TC2N: variants seen among roughly 807,000 people sequenced by gnomAD.
The protein encoded by TC2N is tandem C2 domains, nuclear.
Under a neutral mutation model 61.9 loss-of-function variants are expected in TC2N, and 51 were observed. The ratio of observed to expected loss-of-function variants is 0.82; its 90% confidence interval spans 0.66 to 1.04. The LOEUF is 1.04. Ranked by LOEUF, TC2N falls within the 50% of genes least tolerant of loss-of-function variation. The pLI is 0.00. For synonymous variants in TC2N, 204 were observed against 192.6 expected (o/e 1.06, Z -0.49); for missense variants, 556 against 566.7 (o/e 0.98, Z 0.19).
At chr14:91,817,646 CA>C (rs533812617) in intron 1 of TC2N, among the ~76,000 whole-genome samples, 22 of 152,134 alleles carry the variant, frequency 1.4e-4, no homozygotes, top group African/African-American at 4.6e-4. Flanking sequence ...ATATATTCAT[CA>C]AACCACATCT....
At chr14:91,853,820 T>C (rs953839323) in intron 1 of TC2N, among the ~76,000 whole-genome samples, 4 of 152,056 alleles carry the variant, frequency 2.6e-5, no homozygotes, top group African/African-American at 9.7e-5. Flanking sequence ...CAAGAGGCCA[T>C]GAACTCTTAA....
rs1470059285 is a variant in TC2N, at chr14:91,805,575, G to C, written c.302-3154C>G. On this transcript the variant is annotated intron_variant, in intron 3 of 11. Coordinates refer to ENST00000435962, the MANE Select transcript of TC2N (RefSeq NM_001128596.3). ...AGCTACTTGGGAGGCTGAGGCAGGA[G>C]AATCGCTTGAACCTGGGAGGCAGAG... Among the ~76,000 whole-genome samples, 10 of 152,036 alleles carry C rather than the reference G, an allele frequency of 6.6e-5. No homozygotes were observed. In the East Asian group the frequency reaches 1.7e-3, roughly 26 times the overall value.
intron 1 of TC2N, among the ~76,000 whole-genome samples, chr14:91,834,165 T>C (rs1200859577): frequency 6.6e-6 from 1 of 152,198 alleles, no homozygotes; most frequent in African/African-American, 2.4e-5. Flanking sequence ...CATCAACATA[T>C]TGGAACTCAG....
rs755955873 is a variant in TC2N, at chr14:91,812,307, T to C, written c.301+5A>G. 12 of 1,549,568 alleles carry C rather than the reference T, an allele frequency of 7.7e-6. No homozygotes were observed. The highest frequency in any genetic ancestry group is 1.1e-5 in the Non-Finnish European group (12 of 1,133,242). On this transcript the variant is annotated splice_donor_5th_base_variant and intron_variant, in intron 3 of 11. Coordinates refer to ENST00000435962, the MANE Select transcript of TC2N (RefSeq NM_001128596.3). Reference sequence around the variant, plus strand: ...ATTTTTAAATACTGCTATTTTATTGTTTACCTTCAAGTTCTTCCAGATGTG... The same window carrying C: ...ATTTTTAAATACTGCTATTTTATTGCTTACCTTCAAGTTCTTCCAGATGTG...
intron 1 of TC2N, among the ~76,000 whole-genome samples, chr14:91,850,425 C>T (rs535691733): frequency 2.6e-5 from 4 of 152,302 alleles, no homozygotes; most frequent in African/African-American, 9.6e-5. Context: ...CAGTACCAGC[C>T]TGTGGCCTAT....
intron 1 of TC2N, among the ~76,000 whole-genome samples, chr14:91,858,786 C>A (rs771246404): frequency 6.6e-6 from 1 of 152,130 alleles, no homozygotes; most frequent in African/African-American, 2.4e-5. Flanking sequence ...TGACCCCCTG[C>A]GAGTGGATGA....
At chr14:91,848,371 G>A (rs1016801395) in intron 1 of TC2N, among the ~76,000 whole-genome samples, 1 of 152,168 alleles carries the variant, frequency 6.6e-6, no homozygotes, top group Non-Finnish European at 1.5e-5. Flanking sequence ...CCAGTCGAGG[G>A]TCTAGCATGA....
intron 1 of TC2N, among the ~76,000 whole-genome samples, chr14:91,844,492 G>A (rs954659923): frequency 3.3e-5 from 5 of 152,134 alleles, no homozygotes; most frequent in Non-Finnish European, 5.9e-5. Context: ...GGCCCAACGT[G>A]GTGGCTCACG....
chr14:91,787,806 T>A (rs1885439749), intron 9 of TC2N, among the ~76,000 whole-genome samples, 179 bp from the exon 10 acceptor site: 1 of 152,178 alleles, frequency 6.6e-6, no homozygotes, highest in Admixed American at 6.5e-5. Flanking sequence ...TTTAAAGTAC[T>A]CATTTGCATG....
rs202073986 is a variant in TC2N, at chr14:91,823,393, GC to G, written c.-56-9569del. Among the ~76,000 whole-genome samples, 1,239 of 151,976 alleles carry G rather than the reference GC, an allele frequency of 8.2e-3. 12 individuals carry two copies. Among genetic ancestry groups the G allele is most frequent in the African/African-American group, 0.028 (1,146 of 41,432 alleles). ...AAATTAGTTGGGCATGGTGGCACATGCCTGTAATCCCAGCTACTCAGGAGGC... is the reference window on the plus strand; with the variant it reads ...AAATTAGTTGGGCATGGTGGCACATGCTGTAATCCCAGCTACTCAGGAGGC... On this transcript the variant is annotated intron_variant, in intron 1 of 11. Transcript: ENST00000435962.
At chr14:91,820,349 T>C (rs998611693) in intron 1 of TC2N, among the ~76,000 whole-genome samples, 5 of 151,976 alleles carry the variant, frequency 3.3e-5, no homozygotes, top group African/African-American at 7.2e-5. Context: ...TAATGCATCA[T>C]ATTAACAGAA....
intron 4 of TC2N, among the ~76,000 whole-genome samples, chr14:91,801,562 G>A (rs1025606433): frequency 2.6e-5 from 4 of 152,162 alleles, no homozygotes; most frequent in Admixed American, 1.3e-4. Flanking sequence ...GTGGGGCAGG[G>A]GTGATGGGGA....
At position 91,802,293 on chromosome 14, in the gene TC2N, A is replaced by G; in HGVS notation, c.430T>C (p.Phe144Leu). The G allele has an allele frequency of 1.9e-6, 3 of 1,601,530 alleles. No individual in the cohort carries two copies. Among genetic ancestry groups the G allele is most frequent in the Non-Finnish European group, 2.6e-6 (3 of 1,175,572 alleles). Residue 144 changes from phenylalanine to leucine, a missense_variant, in exon 4 of 12, where the codon TTT (phenylalanine) becomes CTT (leucine). Transcript: ENST00000435962. ...QHISPDLSRRFPPRSEVKRLY... is the reference protein window; with the variant it reads ...QHISPDLSRRLPPRSEVKRLY... Reference sequence around the variant, plus strand: ...CTCTTCACTTCTGAACGGGGAGGAAAGCGTCGACTCAAATCAGGTGAAATG... The same window carrying G: ...CTCTTCACTTCTGAACGGGGAGGAAGGCGTCGACTCAAATCAGGTGAAATG...
At chr14:91,810,721 G>C (rs751475545) in intron 3 of TC2N, among the ~76,000 whole-genome samples, 1 of 151,782 alleles carries the variant, frequency 6.6e-6, no homozygotes, top group African/African-American at 2.4e-5. Context: ...AGAACCAAAT[G>C]TAAACTCTAG....
intron 1 of TC2N, among the ~76,000 whole-genome samples, chr14:91,821,430 T>C (rs1887246481): frequency 6.6e-6 from 1 of 151,850 alleles, no homozygotes; most frequent in Non-Finnish European, 1.5e-5. Context: ...ATATCCACAT[T>C]ATATCCACAT....
intron 9 of TC2N, among the ~76,000 whole-genome samples, chr14:91,790,283 TAA>T (rs1885582968): frequency 6.6e-6 from 1 of 152,318 alleles, no homozygotes; most frequent in East Asian, 1.9e-4. Context: ...CTTTATTGAG[TAA>T]AAACCCGAAA....
chr14:91,833,543 A>G (rs779723810), intron 1 of TC2N, among the ~76,000 whole-genome samples: 4 of 152,122 alleles, frequency 2.6e-5, no homozygotes, highest in Non-Finnish European at 5.9e-5. Flanking sequence ...TAGAAGCATC[A>G]TCTCATCAAG....
chr14:91,835,443 A>G (rs1595268662), intron 1 of TC2N, among the ~76,000 whole-genome samples: 1 of 152,342 alleles, frequency 6.6e-6, no homozygotes, highest in East Asian at 1.9e-4. Flanking sequence ...ATTTCTATTA[A>G]CTGCCTACCT....
chr14:91,827,402 T>G (rs1887551114), intron 1 of TC2N, among the ~76,000 whole-genome samples: 1 of 152,216 alleles, frequency 6.6e-6, no homozygotes, highest in Admixed American at 6.5e-5. Context: ...CTTTGCCTTT[T>G]CCAGTTTCTA....
Sources: gnomAD v4.1 joint callset for allele counts (sites outside exome capture counted in the v4.1 genomes callset) on GRCh38, gnomAD v4.1.1 for gene constraint, MANE v1.5 for transcripts, NCBI Gene and HGNC (gene_info 2026-07-23, HGNC 2026-07-21) for gene names.